ITIH3: variants seen among roughly 807,000 people sequenced by gnomAD.
ITIH3 encodes inter-alpha-trypsin inhibitor heavy chain H3.
In ITIH3, 81 loss-of-function variants were observed where a neutral mutation model predicts 96.5. The observed-to-expected ratio is 0.84, with a 90% confidence interval of 0.70 to 1.01. The LOEUF (loss-of-function observed/expected upper bound fraction) is 1.01. Ranked by LOEUF, ITIH3 falls within the 50% of genes least tolerant of loss-of-function variation. The pLI is 0.00. For missense variants in ITIH3, 1,057 were observed against 1,139.3 expected (o/e 0.93, Z 1.04); for synonymous variants, 422 against 445.2 (o/e 0.95, Z 0.66).
Position 52,797,909 on chromosome 3 carries a change from C to A in ITIH3, c.642C>A (p.Thr214=). Reference sequence around the variant, plus strand: ...ACGACCTCCTGGGAAGCGCCCTCACCAAGTCCTTCTCAGGGAAAAAGGTGA... The same window carrying A: ...ACGACCTCCTGGGAAGCGCCCTCACAAAGTCCTTCTCAGGGAAAAAGGTGA... ...ITNDLLGSAL[T]KSFSGKKGHV... Residue 214 remains threonine (T), a synonymous_variant, in exon 6 of 22, where the codon ACC becomes ACA. Transcript: ENST00000449956. 6.2e-7 allele frequency: 1 copy of A among 1,601,686 alleles called. No individual in the cohort carries two copies. Among genetic ancestry groups the A allele is most frequent in the Non-Finnish European group, 8.5e-7 (1 of 1,174,144 alleles).
chr3:52,806,043 C>T lies in ITIH3; in HGVS notation c.1907-60C>T, dbSNP rs371338462. The T allele has an allele frequency of 1.6e-4, 243 of 1,557,972 alleles. 1 individual carries two copies. Among genetic ancestry groups the T allele is most frequent in the Admixed American group, 2.3e-4 (12 of 53,122 alleles). On this transcript the variant is annotated intron_variant, in intron 16 of 21. Transcript: ENST00000449956. ...GCATAAGCTGAACTCCTATGGGGGT[C>T]GTCGGGCGCCTCCCAGGGCCACTTG... is the stretch of plus-strand genomic sequence containing the variant.
In ITIH3 at chr3:52,796,509, C is replaced by T. The variant is rs146768802; in HGVS notation, c.143C>T (p.Thr48Ile). 2 of 1,613,040 alleles carry T rather than the reference C, an allele frequency of 1.2e-6. No homozygotes were observed. Among genetic ancestry groups the T allele is most frequent in the African/African-American group, 2.7e-5 (2 of 75,014 alleles). Residue 48 changes from threonine (T) to isoleucine (I), a missense_variant, in exon 3 of 22, where the codon ACC becomes ATC. Transcript: ENST00000449956. ...GVANGIEVYS[T>I]KINSKVTSRF... ...GCCAATGGCATCGAGGTCTACAGTACCAAAATCAACTCCAAGGTGACCTCC... is the reference window on the plus strand; with the variant it reads ...GCCAATGGCATCGAGGTCTACAGTATCAAAATCAACTCCAAGGTGACCTCC...
intron 14 of ITIH3, 34 bp from the exon 15 acceptor site, chr3:52,804,692 C>A: frequency 6.4e-7 from 1 of 1,572,006 alleles, no homozygotes; most frequent in Non-Finnish European, 8.6e-7. Context: ...GCTTCTAATG[C>A]ATTTCTCTTC....
Position 52,802,380 on chromosome 3 carries a change from T to C in ITIH3, c.1430T>C (p.Met477Thr). 9 of 1,613,946 alleles carry C rather than the reference T, an allele frequency of 5.6e-6. No homozygotes were observed. Among genetic ancestry groups the C allele is most frequent in the Non-Finnish European group, 7.6e-6 (9 of 1,179,888 alleles). Residue 477 changes from methionine (M) to threonine (T), a missense_variant, in exon 12 of 22, where the codon ATG (methionine) becomes ACG (threonine). By Grantham distance (81) the Met-to-Thr change is moderately conservative. Transcript: ENST00000449956. ...AACCCACTGCTGACGGGTGTGGAGA[T>C]GGAGTACCCCGAGAACGCTATCCTG... is the stretch of plus-strand genomic sequence containing the variant. The part of the protein sequence containing the change: ...VANPLLTGVE[M>T]EYPENAILDL...
rs7629493 is a variant in ITIH3, at chr3:52,794,952, T to C, written c.93+56T>C. Reference sequence around the variant, plus strand: ...CTTGGTGTGGAATGGGCAGAAGGCATCATGCTGGGCAAGGCCTCTGAGTGG... The same window carrying C: ...CTTGGTGTGGAATGGGCAGAAGGCACCATGCTGGGCAAGGCCTCTGAGTGG... On this transcript the variant is annotated intron_variant, in intron 1 of 21. Coordinates refer to ENST00000449956, the MANE Select transcript of ITIH3 (RefSeq NM_002217.4). 0.011 allele frequency: 14,884 copies of C among 1,398,542 alleles called. 1,230 individuals are homozygous for C. In the African/African-American group the frequency reaches 0.18, roughly 17 times the overall value. The allele number at this position is 1,398,542 out of a possible 1,614,324, so 86.6% of individuals were successfully genotyped here.
At chr3:52,796,897 A>G in intron 4 of ITIH3, 54 bp downstream of exon 4, 3 of 1,312,414 alleles carry the variant, frequency 2.3e-6, no homozygotes, top group Non-Finnish European at 3.2e-6. Flanking sequence ...AAGGGCCTTC[A>G]GGGCTACAAA....
chr3:52,796,709 C>A, intron 3 of ITIH3, 30 bp from the exon 4 acceptor site: 2 of 1,604,868 alleles, frequency 1.2e-6, no homozygotes, highest in Non-Finnish European at 1.7e-6. Flanking sequence ...CCAGTGTGAT[C>A]TCCCTACCCC....
rs373180852 is a variant in ITIH3 at position 52,807,811 on chromosome 3, G to A, written c.2326G>A (p.Val776Ile). Reference protein sequence around the residue: ...VSFGDGVTFVVVLHQVWKKHP... With the variant: ...VSFGDGVTFVIVLHQVWKKHP... ...CTTTGGAGATGGGGTTACCTTCGTGGTCGTCCTACACCAGGTGTGGAAGAA... is the reference window on the plus strand; with the variant it reads ...CTTTGGAGATGGGGTTACCTTCGTGATCGTCCTACACCAGGTGTGGAAGAA... The change falls in exon 20 of 22, where the codon GTC becomes ATC. Residue 776 changes from valine to isoleucine, a missense_variant. Coordinates refer to ENST00000449956, the MANE Select transcript of ITIH3 (RefSeq NM_002217.4). 6.2e-7 allele frequency: 1 copy of A among 1,612,246 alleles called. No individual in the cohort carries two copies. Among genetic ancestry groups the A allele is most frequent in the Non-Finnish European group, 8.5e-7 (1 of 1,179,188 alleles).
Position 52,804,741 on chromosome 3 carries a change from C to T in ITIH3, c.1873+7C>T, listed in dbSNP as rs765380239. ...GCACCTGCAGATGCAGAAGGTAAGC[C>T]TTTAGCCAGCCACCGGGTTGGGCAT... On this transcript the variant is annotated splice_region_variant and intron_variant, in intron 15 of 21. Coordinates refer to ENST00000449956, the MANE Select transcript of ITIH3 (RefSeq NM_002217.4). The T allele has an allele frequency of 6.3e-7, 1 of 1,588,704 alleles. No homozygotes were observed. Among genetic ancestry groups the T allele is most frequent in the South Asian group, 1.2e-5 (1 of 86,880 alleles).
In ITIH3 at chr3:52,802,472, G is replaced by C; in HGVS notation, c.1522G>C (p.Val508Leu). 1.9e-6 allele frequency: 3 copies of C among 1,613,992 alleles called. No homozygotes were observed. The highest frequency in any genetic ancestry group is 2.5e-6 in the Non-Finnish European group (3 of 1,179,898). ...TGAGATCGTGGTGGCCGGGCGCCTGGTGGACGAGGACATGAACAGCTTTAA... is the reference window on the plus strand; with the variant it reads ...TGAGATCGTGGTGGCCGGGCGCCTGCTGGACGAGGACATGAACAGCTTTAA... Reference protein sequence around the residue: ...GSEIVVAGRLVDEDMNSFKAD... With the variant: ...GSEIVVAGRLLDEDMNSFKAD... The change falls in exon 12 of 22, where the codon GTG becomes CTG. Residue 508 changes from valine to leucine, a missense_variant. Physicochemically the swap from Val to Leu is conservative, Grantham distance 32. Transcript: ENST00000449956.
chr3:52,797,871 T>C lies in ITIH3; in HGVS notation c.604T>C (p.Ser202Pro), dbSNP rs1353523952. The C allele has an allele frequency of 4.3e-6, 7 of 1,610,422 alleles. No individual in the cohort carries two copies. The Admixed American group carries it at 6.7e-5, about 15-fold the overall frequency. ...AATCAGCATGCTGGATGCTGAGGCC[T>C]CTTTCATCACCAACGACCTCCTGGG... Reference protein sequence around the residue: ...QGISMLDAEASFITNDLLGSA... With the variant: ...QGISMLDAEAPFITNDLLGSA... Residue 202 changes from serine (S) to proline (P), a missense_variant, in exon 6 of 22, where the codon TCT becomes CCT. Transcript: ENST00000449956.
chr3:52,802,851 C>G (rs1354402666), intron 13 of ITIH3, 45 bp downstream of exon 13: 3 of 1,607,340 alleles, frequency 1.9e-6, no homozygotes, highest in Non-Finnish European at 2.6e-6. Flanking sequence ...CCTGGCTGGG[C>G]TCCAATGCAA....
chr3:52,800,173 G>A (rs889802702), intron 9 of ITIH3, among the ~76,000 whole-genome samples: 3 of 152,152 alleles, frequency 2.0e-5, no homozygotes, highest in Non-Finnish European at 2.9e-5. Context: ...GCAAGATAAG[G>A]CCACAGAGAA....
rs761868305 is a variant in ITIH3, at chr3:52,807,819, A to G, written c.2334A>G (p.Leu778=). 3.1e-6 allele frequency: 5 copies of G among 1,611,926 alleles called. No homozygotes were observed. In the African/African-American group the frequency reaches 5.3e-5, roughly 17 times the overall value. ...FGDGVTFVVV[L]HQVWKKHPVH... ...ATGGGGTTACCTTCGTGGTCGTCCT[A>G]CACCAGGTGTGGAAGAAACATCCTG... Residue 778 remains leucine, a synonymous_variant, in exon 20 of 22, where the codon CTA becomes CTG. Coordinates refer to ENST00000449956, the MANE Select transcript of ITIH3 (RefSeq NM_002217.4).
Position 52,808,652 on chromosome 3 carries a change from A to C in ITIH3, c.2644A>C (p.Thr882Pro), listed in dbSNP as rs759988125. ...NGEGLIDGVH[T>P]DYIVPNLF ...AGAAGGGCTGATTGATGGTGTCCAC[A>C]CTGACTACATTGTCCCCAACCTGTT... is the stretch of plus-strand genomic sequence containing the variant. Residue 882 changes from threonine (T) to proline (P), a missense_variant, in exon 22 of 22, where the codon ACT (threonine) becomes CCT (proline). Coordinates refer to ENST00000449956, the MANE Select transcript of ITIH3 (RefSeq NM_002217.4). The C allele has an allele frequency of 6.2e-7, 1 of 1,613,396 alleles. No homozygotes were observed. The highest frequency in any genetic ancestry group is 8.5e-7 in the Non-Finnish European group (1 of 1,179,492).
chr3:52,802,601 G>A (rs1021771914), intron 12 of ITIH3, 66 bp from the exon 13 acceptor site: 49 of 1,611,202 alleles, frequency 3.0e-5, no homozygotes, highest in African/African-American at 5.3e-5. Context: ...GGGTCCAGGA[G>A]TGGTGGCCCC....
intron 11 of ITIH3, among the ~76,000 whole-genome samples, chr3:52,801,594 C>G (rs1030384874): frequency 6.6e-6 from 1 of 152,144 alleles, no homozygotes. Context: ...TTCTAGGCCT[C>G]TTTCCTTTTC....
chr3:52,800,039 G>A (rs1246695382), intron 9 of ITIH3, 118 bp downstream of exon 9: 4 of 964,152 alleles, frequency 4.1e-6, no homozygotes, highest in Non-Finnish European at 6.1e-6. Context: ...GATCTGAGCT[G>A]GGGTAGAGGT....
rs765683798 is a variant in ITIH3, at chr3:52,797,091, C to G, written c.387-14C>G. 1.9e-6 allele frequency: 3 copies of G among 1,604,904 alleles called. No individual in the cohort carries two copies. Among genetic ancestry groups the G allele is most frequent in the African/African-American group, 1.3e-5 (1 of 74,788 alleles). On this transcript the variant is annotated splice_polypyrimidine_tract_variant and intron_variant, in intron 4 of 21. Transcript: ENST00000449956. ...GCAGTCTTTGAGGGAGTCACCATCTCGCACCCTGGTCAGGGCCTCTGGGAG... is the reference window on the plus strand; with the variant it reads ...GCAGTCTTTGAGGGAGTCACCATCTGGCACCCTGGTCAGGGCCTCTGGGAG...
Sources: allele counts gnomAD v4.1 joint callset (sites outside exome capture counted in the v4.1 genomes callset), GRCh38; gene constraint gnomAD v4.1.1; transcripts MANE v1.5; gene names NCBI Gene and HGNC (gene_info 2026-07-23, HGNC 2026-07-21).